Variants in FMN2 observed in about 807,000 individuals in gnomAD.
The protein encoded by FMN2 is formin-2.
A neutral mutation model predicts 142.3 loss-of-function variants in FMN2; 51 were observed. The ratio of observed to expected loss-of-function variants is 0.36; its 90% confidence interval spans 0.29 to 0.45. The LOEUF is 0.45. Among genes scored for constraint, FMN2 ranks in the 20% least tolerant of loss-of-function variants. The pLI, the probability that FMN2 is intolerant of heterozygous loss-of-function variation, is 1.00. For missense variants in FMN2, 1,936 were observed against 2,122.8 expected (o/e 0.91, Z 1.73); for synonymous variants, 882 against 869.8 (o/e 1.01, Z -0.25).
intron 2 of FMN2, chr1:240,170,996 G>T: frequency 1.2e-6 from 1 of 818,494 alleles, no homozygotes; most frequent in South Asian, 1.4e-5. Flanking sequence ...AAGGTCGTGA[G>T]AGCAGCACTT....
chr1:240,243,647 C>T (rs1017932537), intron 6 of FMN2, among the ~76,000 whole-genome samples: 5 of 152,148 alleles, frequency 3.3e-5, no homozygotes, highest in South Asian at 2.1e-4. Flanking sequence ...TATACTTTAC[C>T]GAATTTGTTT....
intron 3 of FMN2, chr1:240,179,686 AG>A (rs1188801261): frequency 6.6e-6 from 1 of 152,304 alleles, no homozygotes; most frequent in Non-Finnish European, 1.5e-5. Flanking sequence ...TCGTTTTCAA[AG>A]GAAAACACAC....
intron 2 of FMN2, among the ~76,000 whole-genome samples, chr1:240,165,811 C>T: frequency 6.6e-6 from 1 of 151,950 alleles, no homozygotes; most frequent in South Asian, 2.1e-4. Flanking sequence ...GTTCGACCTG[C>T]CTTCTTCTAG....
intron 3 of FMN2, among the ~76,000 whole-genome samples, chr1:240,184,236 CTTTTTTTTTT>C (rs34050336): frequency 1.0e-4 from 8 of 79,438 alleles, no homozygotes; most frequent in Admixed American, 3.8e-4. Context: ...AATATTTAAC[CTTTTTTTTTT>C]TTTTTTTTTT....
chr1:240,469,668 C>T (rs1048261931), intron 16 of FMN2, among the ~76,000 whole-genome samples: 4 of 152,180 alleles, frequency 2.6e-5, no homozygotes, highest in African/African-American at 7.2e-5. Flanking sequence ...AAACAAGGCT[C>T]GGCAGTCGCT....
chr1:240,189,622 C>T (rs1462088557), intron 4 of FMN2, among the ~76,000 whole-genome samples: 3 of 152,202 alleles, frequency 2.0e-5, no homozygotes, highest in East Asian at 1.9e-4. Flanking sequence ...TTCAAAAATG[C>T]GGCTAGGTTA....
intron 7 of FMN2, among the ~76,000 whole-genome samples, chr1:240,275,593 T>C (rs1413801926): frequency 6.6e-6 from 1 of 152,186 alleles, no homozygotes; most frequent in African/African-American, 2.4e-5. Context: ...TTATAATCTT[T>C]TGGGTATATA....
At position 240,383,903 on chromosome 1, in the gene FMN2, T is replaced by A. The variant is rs190357490; in HGVS notation, c.4859-8608T>A. Among the ~76,000 whole-genome samples, 519 of 151,610 alleles carry A rather than the reference T, an allele frequency of 3.4e-3. 2 individuals carry two copies. Among genetic ancestry groups the A allele is most frequent in the Middle Eastern group, 6.9e-3 (2 of 288 alleles). On this transcript the variant is annotated intron_variant, in intron 14 of 17. Transcript: ENST00000319653. ...AAGAAAAAAAATATATATATATATA[T>A]TCTTTATATATGGAATACTACTATA...
chr1:240,453,112 GAC>G (rs896586676), intron 16 of FMN2, among the ~76,000 whole-genome samples: 37 of 152,266 alleles, frequency 2.4e-4, no homozygotes, highest in African/African-American at 7.7e-4. Context: ...AATTAAAGGA[GAC>G]ACAGAGTATA....
intron 8 of FMN2, among the ~76,000 whole-genome samples, chr1:240,315,260 G>A (rs570214338): frequency 6.6e-6 from 1 of 152,286 alleles, no homozygotes; most frequent in South Asian, 2.1e-4. Flanking sequence ...TTGTTCTCAT[G>A]CCTGCTAAAA....
At chr1:240,201,590 A>G (rs1666123920) in intron 4 of FMN2, among the ~76,000 whole-genome samples, 1 of 152,250 alleles carries the variant, frequency 6.6e-6, no homozygotes, top group Non-Finnish European at 1.5e-5. Flanking sequence ...GTCATATATC[A>G]TGGCACCATA....
chr1:240,399,190 AT>A (rs1673889333), intron 15 of FMN2, among the ~76,000 whole-genome samples: 1 of 152,214 alleles, frequency 6.6e-6, no homozygotes, highest in Non-Finnish European at 1.5e-5. Context: ...TACTTAACTG[AT>A]TAAGTAGGTT....
At chr1:240,212,672 G>C (rs1386916026) in intron 6 of FMN2, among the ~76,000 whole-genome samples, 3 of 152,196 alleles carry the variant, frequency 2.0e-5, no homozygotes, top group Non-Finnish European at 4.4e-5. Flanking sequence ...TTCTCTGGCA[G>C]AGATAAATAT....
intron 2 of FMN2, chr1:240,143,192 A>G (rs1663270259): frequency 6.3e-7 from 1 of 1,590,136 alleles, no homozygotes; most frequent in Non-Finnish European, 8.6e-7. Context: ...TATTGGTACC[A>G]CTGCCCACCA....
intron 6 of FMN2, among the ~76,000 whole-genome samples, chr1:240,221,572 T>A (rs1003306537): frequency 7.9e-5 from 12 of 152,152 alleles, no homozygotes; most frequent in African/African-American, 2.9e-4. Context: ...ATTGTTTGTT[T>A]GTTTTTTTTC....
At chr1:240,137,125 G>A (rs1037675576) in intron 2 of FMN2, among the ~76,000 whole-genome samples, 3 of 149,384 alleles carry the variant, frequency 2.0e-5, no homozygotes, top group Admixed American at 6.7e-5. Flanking sequence ...GAAGGACCCT[G>A]TACAGAGAAA....
At chr1:240,297,177 GTGTGTATCTATATGTGTGTA>G (rs1329079641) in intron 8 of FMN2, among the ~76,000 whole-genome samples, 43 of 152,102 alleles carry the variant, frequency 2.8e-4, no homozygotes, top group Non-Finnish European at 5.9e-5. Flanking sequence ...CATGGTGTGT[GTGTGTATCTATATGTGTGTA>G]TGTGTATCTA....
At chr1:240,330,805 G>A in intron 11 of FMN2, 56 bp downstream of exon 11, 1 of 1,579,278 alleles carries the variant, frequency 6.3e-7, no homozygotes, top group Admixed American at 1.9e-5. Context: ...GTTTTGTTTA[G>A]TAATGGGTTT....
intron 11 of FMN2, 42 bp downstream of exon 11, chr1:240,330,791 C>A (rs767905706): frequency 1.3e-6 from 2 of 1,593,906 alleles, no homozygotes; most frequent in South Asian, 1.1e-5. Flanking sequence ...ATTGAGGAGT[C>A]AAGGTTTTGT....
Sources: allele counts gnomAD v4.1 joint callset (sites outside exome capture counted in the v4.1 genomes callset), GRCh38; gene constraint gnomAD v4.1.1; transcripts MANE v1.5; gene names NCBI Gene and HGNC (gene_info 2026-07-23, HGNC 2026-07-21).